The following LRRC7 variants were observed in gnomAD, a reference collection of about 807,000 sequenced individuals.
The protein encoded by LRRC7 is leucine-rich repeat-containing protein 7.
Under a neutral mutation model 175.7 loss-of-function variants are expected in LRRC7, and 23 were observed. The observed-to-expected ratio is 0.13, with a 90% CI of 0.09 to 0.19. The LOEUF (loss-of-function observed/expected upper bound fraction) is 0.19, where lower values mean the gene tolerates loss of function less well. Ranked by LOEUF, LRRC7 falls within the 10% of genes least tolerant of loss-of-function variation. The pLI is 1.00. For synonymous variants in LRRC7, 685 were observed against 680.9 expected (o/e 1.01, Z -0.09); for missense variants, 1,354 against 1,904.7 (o/e 0.71, Z 5.38).
chr1:69,619,074 T>A (rs753108024), intron 1 of LRRC7, among the ~76,000 whole-genome samples: 10 of 151,950 alleles, frequency 6.6e-5, no homozygotes, highest in Non-Finnish European at 1.3e-4. Flanking sequence ...CCAGTGTAGA[T>A]CTGTGTTTGG....
At chr1:69,796,125 C>G (rs1172955180) in intron 4 of LRRC7, among the ~76,000 whole-genome samples, 1 of 117,304 alleles carries the variant, frequency 8.5e-6, no homozygotes, top group Non-Finnish European at 1.8e-5. Flanking sequence ...CCCCTCCCCC[C>G]ACCCCTCAAC....
At chr1:69,870,427 C>T (rs1280888731) in intron 7 of LRRC7, among the ~76,000 whole-genome samples, 2 of 151,876 alleles carry the variant, frequency 1.3e-5, no homozygotes, top group Non-Finnish European at 2.9e-5. Flanking sequence ...AGTATAGAAG[C>T]AAGAATTTTA....
intron 2 of LRRC7, among the ~76,000 whole-genome samples, chr1:69,744,978 G>T (rs923452806): frequency 6.6e-5 from 10 of 151,766 alleles, no homozygotes; most frequent in African/African-American, 2.4e-4. Flanking sequence ...GGATCCACCT[G>T]CTCAAAAACC....
chr1:70,115,654 A>G (rs1665802677), intron 26 of LRRC7, among the ~76,000 whole-genome samples: 1 of 152,348 alleles, frequency 6.6e-6, no homozygotes, highest in South Asian at 2.1e-4. Context: ...TGTTATATGA[A>G]TGTAACCAAG....
At chr1:69,808,246 C>T (rs1677371692) in intron 4 of LRRC7, among the ~76,000 whole-genome samples, 1 of 151,596 alleles carries the variant, frequency 6.6e-6, no homozygotes, top group South Asian at 2.1e-4. Flanking sequence ...GTTAATAAAA[C>T]CCAGATTCAA....
intron 7 of LRRC7, among the ~76,000 whole-genome samples, chr1:69,856,991 A>G (rs963881570): frequency 3.3e-5 from 5 of 152,202 alleles, no homozygotes; most frequent in African/African-American, 1.2e-4. Context: ...TACAGCATAT[A>G]AACAGAACCA....
At chr1:69,739,157 G>A (rs983124606) in intron 2 of LRRC7, among the ~76,000 whole-genome samples, 4 of 151,992 alleles carry the variant, frequency 2.6e-5, no homozygotes, top group East Asian at 1.9e-4. Context: ...ATGCATAAAG[G>A]ACATAGAGAA....
At chr1:69,796,738 G>A (rs1425945461) in intron 4 of LRRC7, among the ~76,000 whole-genome samples, 1 of 151,844 alleles carries the variant, frequency 6.6e-6, no homozygotes, top group Non-Finnish European at 1.5e-5. Flanking sequence ...AGGTTGCGGT[G>A]AGCCGAGATT....
At chr1:69,692,693 CTT>C (rs1173648337) in intron 2 of LRRC7, among the ~76,000 whole-genome samples, 2 of 152,264 alleles carry the variant, frequency 1.3e-5, no homozygotes, top group South Asian at 2.1e-4. Context: ...CAAATATTGA[CTT>C]AATGTCAGCT....
chr1:69,783,258 C>A (rs1673981447), intron 3 of LRRC7, among the ~76,000 whole-genome samples: 1 of 152,164 alleles, frequency 6.6e-6, no homozygotes, highest in African/African-American at 2.4e-5. Flanking sequence ...TCCAGGCATT[C>A]TCTCATATTT....
intron 1 of LRRC7, among the ~76,000 whole-genome samples, chr1:69,671,710 G>A (rs1570283303): frequency 6.6e-6 from 1 of 152,072 alleles, no homozygotes; most frequent in Non-Finnish European, 1.5e-5. Context: ...TGTGGCTAGG[G>A]CTCGTTTAAA....
At chr1:69,703,489 T>C (rs1324868133) in intron 2 of LRRC7, among the ~76,000 whole-genome samples, 4 of 151,938 alleles carry the variant, frequency 2.6e-5, no homozygotes, top group African/African-American at 9.7e-5. Flanking sequence ...AATGGGACCA[T>C]GAGAATTGAG....
In LRRC7 at chr1:69,982,279, C is replaced by CAA. The variant is rs1265996808; in HGVS notation, c.786+1826_786+1827insAA. Among the ~76,000 whole-genome samples, 5 of 152,158 alleles carry CAA rather than the reference C, an allele frequency of 3.3e-5. No homozygotes were observed. The South Asian group carries it at 8.3e-4, about 25-fold the overall frequency. On this transcript the variant is annotated intron_variant, in intron 9 of 26. Transcript: ENST00000651989. ...TAGATTCCTTACTTTATTTTGTATA[C>CAA]TTGCACTTGGTAATTTGTTATACGC... is the stretch of plus-strand genomic sequence containing the variant.
chr1:69,964,110 G>GATCAGGCT (rs1286146224), intron 8 of LRRC7, among the ~76,000 whole-genome samples: 1 of 152,128 alleles, frequency 6.6e-6, no homozygotes, highest in East Asian at 1.9e-4. Flanking sequence ...ACAAAACAAA[G>GATCAGGCT]ATCAGGCTCT....
intron 1 of LRRC7, among the ~76,000 whole-genome samples, chr1:69,630,225 G>A (rs553814517): frequency 2.6e-5 from 4 of 152,114 alleles, no homozygotes; most frequent in African/African-American, 4.8e-5. Flanking sequence ...GATGTCTTCC[G>A]TATATATAAT....
chr1:69,693,310 A>C (rs773097042), intron 2 of LRRC7, among the ~76,000 whole-genome samples: 5 of 152,174 alleles, frequency 3.3e-5, no homozygotes, highest in Non-Finnish European at 5.9e-5. Flanking sequence ...CTGAGACTCA[A>C]ATTTGACCGA....
At chr1:70,022,978 T>TA (rs1657674466) in intron 16 of LRRC7, 148 bp from the exon 17 acceptor site, 7 of 989,054 alleles carry the variant, frequency 7.1e-6, no homozygotes, top group Non-Finnish European at 8.3e-6. Context: ...AGTACTGTTT[T>TA]ATACATGGAT....
At chr1:70,043,016 A>T (rs1326132303) in intron 21 of LRRC7, among the ~76,000 whole-genome samples, 1 of 151,948 alleles carries the variant, frequency 6.6e-6, no homozygotes, top group African/African-American at 2.4e-5. Context: ...CCAAAATGAG[A>T]GAATTACTTA....
At chr1:69,708,376 A>G (rs780226241) in intron 2 of LRRC7, among the ~76,000 whole-genome samples, 1 of 151,886 alleles carries the variant, frequency 6.6e-6, no homozygotes, top group South Asian at 2.1e-4. Flanking sequence ...CCCCTCCTTC[A>G]TGCTTATTAG....
Sources: gnomAD v4.1 joint callset for allele counts (sites outside exome capture counted in the v4.1 genomes callset) on GRCh38, gnomAD v4.1.1 for gene constraint, MANE v1.5 for transcripts, NCBI Gene and HGNC (gene_info 2026-07-23, HGNC 2026-07-21) for gene names.